Variants in CTNNA3 observed in about 807,000 individuals in gnomAD.
CTNNA3 encodes catenin alpha 3.
Under a neutral mutation model 95.7 loss-of-function variants are expected in CTNNA3, and 76 were observed. The ratio of observed to expected loss-of-function variants is 0.79; its 90% CI spans 0.66 to 0.96. The LOEUF (loss-of-function observed/expected upper bound fraction) is 0.96, where lower values mean the gene tolerates loss of function less well. Ranked by LOEUF, CTNNA3 falls within the 40% of genes least tolerant of loss-of-function variation. CTNNA3 has a pLI of 0.00. For synonymous variants in CTNNA3, 431 were observed against 374.4 expected (o/e 1.15, Z -1.74); for missense variants, 1,191 against 1,089.8 (o/e 1.09, Z -1.31).
chr10:66,689,822 G>A (rs1354456433), intron 9 of CTNNA3, among the ~76,000 whole-genome samples: 1 of 152,118 alleles, frequency 6.6e-6, no homozygotes, highest in Non-Finnish European at 1.5e-5. Flanking sequence ...AAGGGAGAGA[G>A]GGGGAAAATG....
At chr10:67,389,511 G>C (rs1844361042) in intron 5 of CTNNA3, among the ~76,000 whole-genome samples, 1 of 151,782 alleles carries the variant, frequency 6.6e-6, no homozygotes. Context: ...ATGAGACAAA[G>C]TCAACAAGGA....
At chr10:67,550,682 TAAAG>T (rs1347049282) in intron 3 of CTNNA3, among the ~76,000 whole-genome samples, 1 of 138,120 alleles carries the variant, frequency 7.2e-6, no homozygotes, top group African/African-American at 2.9e-5. Context: ...TACCGTAGAA[TAAAG>T]AAATTTCTTT....
chr10:66,629,311 G>A (rs1036327842), intron 9 of CTNNA3, among the ~76,000 whole-genome samples: 1 of 152,046 alleles, frequency 6.6e-6, no homozygotes, highest in Non-Finnish European at 1.5e-5. Context: ...AAGGCAGAGA[G>A]CTACAGGTCG....
chr10:67,521,938 G>C lies in CTNNA3; in HGVS notation c.483C>G (p.Leu161=). The C allele has an allele frequency of 6.2e-7, 1 of 1,613,022 alleles. No homozygotes were observed. The highest frequency in any genetic ancestry group is 8.5e-7 in the Non-Finnish European group (1 of 1,179,224). ...GGTCAGATTTGTTGGCAACATTTTT[G>C]AGAGACTCAAATGTCCTTTGAAACT... ...VSAFQRTFES[L]KNVANKSDLQ... Residue 161 remains leucine, a synonymous_variant, in exon 5 of 18, where the codon CTC becomes CTG. Transcript: ENST00000433211.
rs147406991 is a variant in CTNNA3 at position 66,358,727 on chromosome 10, A to C, written c.1732+20425T>G. 3.3e-3 allele frequency among the ~76,000 whole-genome samples: 510 copies of C among 152,342 alleles called. 1 individual carries two copies. The highest frequency in any genetic ancestry group is 5.1e-3 in the Non-Finnish European group (348 of 68,030). ...AAAAGAAGATTAAATCAAGTTCAGT[A>C]TAATTTTAGTTGTCTCTAATTACAT... On this transcript the variant is annotated intron_variant, in intron 12 of 17. Coordinates refer to ENST00000433211, the MANE Select transcript of CTNNA3 (RefSeq NM_013266.4).
At chr10:66,406,474 G>C (rs1459070293) in intron 11 of CTNNA3, among the ~76,000 whole-genome samples, 1 of 152,114 alleles carries the variant, frequency 6.6e-6, no homozygotes, top group Non-Finnish European at 1.5e-5. Context: ...ATATGAATTT[G>C]TTTTCCATAC....
intron 10 of CTNNA3, among the ~76,000 whole-genome samples, chr10:66,568,504 G>C (rs1355804323): frequency 1.3e-5 from 2 of 151,944 alleles, no homozygotes; most frequent in Non-Finnish European, 2.9e-5. Context: ...TTCTGGAAAT[G>C]ATTGAATAAT....
chr10:65,923,589 G>C (rs1189738089), intron 17 of CTNNA3, among the ~76,000 whole-genome samples: 1 of 152,174 alleles, frequency 6.6e-6, no homozygotes, highest in African/African-American at 2.4e-5. Flanking sequence ...TTAAATCCAG[G>C]CAAAGTGGTG....
At chr10:66,492,675 A>C (rs1481741461) in intron 11 of CTNNA3, among the ~76,000 whole-genome samples, 1 of 152,176 alleles carries the variant, frequency 6.6e-6, no homozygotes, top group Non-Finnish European at 1.5e-5. Context: ...TTCTGCAAAA[A>C]TAACTGAAAA....
chr10:67,346,694 G>A (rs757310767), intron 5 of CTNNA3: 2 of 513,352 alleles, frequency 3.9e-6, no homozygotes, highest in Non-Finnish European at 7.8e-6. Context: ...GGCGATAGAT[G>A]AGAGTTCATT....
intron 5 of CTNNA3, among the ~76,000 whole-genome samples, chr10:67,377,640 A>G (rs1006980175): frequency 3.7e-5 from 5 of 136,816 alleles, no homozygotes; most frequent in African/African-American, 1.3e-4. Context: ...TTTAAAAAAA[A>G]TTTTCATTGA....
Position 67,719,744 on chromosome 10 carries a change from T to A in CTNNA3, c.-2+43690A>T, listed in dbSNP as rs147575231. On this transcript the variant is annotated intron_variant, in intron 1 of 17. Transcript: ENST00000684154. ...ATTTTGTGGTCAACTTTAGAATAAGTGCTATGTGGTGCTGAGAAGAATGTA... is the reference window on the plus strand; with the variant it reads ...ATTTTGTGGTCAACTTTAGAATAAGAGCTATGTGGTGCTGAGAAGAATGTA... Among the ~76,000 whole-genome samples, 372 of 152,276 alleles carry A rather than the reference T, an allele frequency of 2.4e-3. 2 individuals carry two copies. The highest frequency in any genetic ancestry group is 8.4e-3 in the African/African-American group (350 of 41,540).
At position 67,755,134 on chromosome 10, in the gene CTNNA3, G is replaced by A. The variant is rs555376278; in HGVS notation, c.-2+8300C>T. On this transcript the variant is annotated intron_variant, in intron 1 of 17. Transcript: ENST00000684154. ...CTTGAGCCCAAGAGTTCAAGGCCGC[G>A]GTGACCTATGATCACTCCACTGCAC... 6.6e-5 allele frequency among the ~76,000 whole-genome samples: 10 copies of A among 151,656 alleles called. No homozygotes were observed. In the South Asian group the frequency reaches 1.0e-3, roughly 16 times the overall value.
chr10:67,043,597 C>G (rs1325226764), intron 7 of CTNNA3, among the ~76,000 whole-genome samples: 1 of 152,116 alleles, frequency 6.6e-6, no homozygotes, highest in African/African-American at 2.4e-5. Context: ...ATGTGCTGAT[C>G]GTTCAGTCTG....
At chr10:66,333,357 T>C (rs2092354656) in intron 12 of CTNNA3, among the ~76,000 whole-genome samples, 1 of 152,098 alleles carries the variant, frequency 6.6e-6, no homozygotes, top group Non-Finnish European at 1.5e-5. Context: ...CTTTCTCTTG[T>C]GGGCCTTTAG....
At chr10:66,104,991 A>G (rs1229492470) in intron 13 of CTNNA3, among the ~76,000 whole-genome samples, 1 of 152,214 alleles carries the variant, frequency 6.6e-6, no homozygotes, top group Non-Finnish European at 1.5e-5. Flanking sequence ...CTCATCTCAT[A>G]GATCTTTAAA....
intron 13 of CTNNA3, among the ~76,000 whole-genome samples, chr10:66,158,420 A>G (rs1325101259): frequency 6.6e-6 from 1 of 151,848 alleles, no homozygotes; most frequent in African/African-American, 2.4e-5. Context: ...TCCTTTCCCC[A>G]CTTTATGTTT....
At chr10:67,145,219 A>G (rs773226684) in intron 7 of CTNNA3, among the ~76,000 whole-genome samples, 11 of 152,150 alleles carry the variant, frequency 7.2e-5, no homozygotes, top group Non-Finnish European at 1.2e-4. Context: ...ACACCTTAAC[A>G]TATATAATAC....
At chr10:66,089,844 C>T (rs1382306884) in intron 14 of CTNNA3, among the ~76,000 whole-genome samples, 1 of 151,760 alleles carries the variant, frequency 6.6e-6, no homozygotes, top group East Asian at 1.9e-4. Flanking sequence ...CCCTAAGACC[C>T]AGGCACTCTT....
Sources: gnomAD v4.1 joint callset for allele counts (sites outside exome capture counted in the v4.1 genomes callset) on GRCh38, gnomAD v4.1.1 for gene constraint, MANE v1.5 for transcripts, NCBI Gene and HGNC (gene_info 2026-07-23, HGNC 2026-07-21) for gene names.